POU6F2: variants seen among roughly 807,000 people sequenced by gnomAD.
POU6F2 encodes the protein POU domain, class 6, transcription factor 2.
In POU6F2, 31 loss-of-function variants were observed where a neutral mutation model predicts 71.3. The observed-to-expected ratio is 0.43, with a 90% CI of 0.33 to 0.59. POU6F2 has a LOEUF of 0.59. POU6F2 is among the 20% of genes least tolerant of loss of function. The pLI, the probability that POU6F2 is intolerant of heterozygous loss-of-function variation, is 0.04. For missense variants in POU6F2, 783 were observed against 856.8 expected (o/e 0.91, Z 1.07); for synonymous variants, 347 against 355.7 (o/e 0.98, Z 0.27).
intron 1 of POU6F2, among the ~76,000 whole-genome samples, chr7:39,056,224 A>G (rs1175720209): frequency 2.0e-5 from 3 of 152,062 alleles, no homozygotes; most frequent in Non-Finnish European, 4.4e-5. Context: ...GGCATCAGAG[A>G]GCCAGGATAG....
At chr7:39,335,749 C>T (rs955431029) in intron 4 of POU6F2, among the ~76,000 whole-genome samples, 6 of 152,184 alleles carry the variant, frequency 3.9e-5, no homozygotes, top group Non-Finnish European at 7.3e-5. Flanking sequence ...TACTTTTAAC[C>T]GAAATTTCCT....
intron 2 of POU6F2, among the ~76,000 whole-genome samples, chr7:39,172,810 G>A (rs867782365): frequency 1.3e-4 from 20 of 151,920 alleles, no homozygotes; most frequent in African/African-American, 3.9e-4. Context: ...TTGTAGAGAC[G>A]GGGTTTCTCC....
At chr7:39,015,075 G>A (rs1341114212) in intron 1 of POU6F2, among the ~76,000 whole-genome samples, 2 of 151,488 alleles carry the variant, frequency 1.3e-5, no homozygotes, top group African/African-American at 2.4e-5. Context: ...AAAAAATTAT[G>A]TCAGTAACTC....
intron 5 of POU6F2, among the ~76,000 whole-genome samples, chr7:39,354,414 GTTC>G (rs1404704060): frequency 6.6e-6 from 1 of 152,162 alleles, no homozygotes; most frequent in African/African-American, 2.4e-5. Flanking sequence ...TGCCAACATG[GTTC>G]TTCAACTAGG....
At chr7:39,340,467 T>C (rs1254319420) in intron 5 of POU6F2, among the ~76,000 whole-genome samples, 1 of 152,196 alleles carries the variant, frequency 6.6e-6, no homozygotes, top group Non-Finnish European at 1.5e-5. Flanking sequence ...CTTAAGTACT[T>C]TGTGCTCTTT....
chr7:39,015,063 T>A (rs1305694784), intron 1 of POU6F2, among the ~76,000 whole-genome samples: 1 of 151,790 alleles, frequency 6.6e-6, no homozygotes, highest in Non-Finnish European at 1.5e-5. Context: ...CTTATGGATT[T>A]AAAAAAATTA....
At chr7:39,200,149 C>A (rs1424234856) in intron 2 of POU6F2, among the ~76,000 whole-genome samples, 1 of 152,208 alleles carries the variant, frequency 6.6e-6, no homozygotes. Context: ...GCAGACCCAT[C>A]TGCCATTCAG....
chr7:39,095,342 AT>A (rs1438376299), intron 2 of POU6F2, among the ~76,000 whole-genome samples: 1 of 152,102 alleles, frequency 6.6e-6, no homozygotes, highest in African/African-American at 2.4e-5. Flanking sequence ...ACTCCTAGTA[AT>A]TTTCTAACAA....
chr7:39,329,151 T>C (rs7795921), intron 4 of POU6F2: 100,645 of 151,374 alleles, frequency 0.66, 33,676 homozygotes, highest in East Asian at 0.8. Context: ...GTGTCTTTAA[T>C]ATGGCTTGGT....
intron 2 of POU6F2, among the ~76,000 whole-genome samples, chr7:39,196,210 C>G (rs1247988338): frequency 6.6e-6 from 1 of 152,172 alleles, no homozygotes; most frequent in Admixed American, 6.5e-5. Flanking sequence ...AGATCTACAG[C>G]TGAAGAAAGG....
intron 1 of POU6F2, among the ~76,000 whole-genome samples, chr7:39,068,903 C>T (rs776542547): frequency 6.6e-6 from 1 of 152,082 alleles, no homozygotes; most frequent in Non-Finnish European, 1.5e-5. Flanking sequence ...GATTGCTGAG[C>T]CCTGCCCTGT....
chr7:39,038,775 T>C (rs1790118133), intron 1 of POU6F2, among the ~76,000 whole-genome samples: 1 of 151,972 alleles, frequency 6.6e-6, no homozygotes, highest in Admixed American at 6.6e-5. Context: ...AAATCTTGGC[T>C]AGTGTAGAAT....
intron 4 of POU6F2, among the ~76,000 whole-genome samples, chr7:39,253,791 CT>C (rs1783969298): frequency 2.0e-5 from 3 of 152,194 alleles, no homozygotes; most frequent in African/African-American, 7.2e-5. Flanking sequence ...CTCGGCTAAG[CT>C]TCTGATGAAG....
intron 2 of POU6F2, among the ~76,000 whole-genome samples, chr7:39,178,072 G>A (rs1332952362): frequency 6.6e-6 from 1 of 152,010 alleles, no homozygotes; most frequent in Non-Finnish European, 1.5e-5. Flanking sequence ...TGGCCAAGAC[G>A]GTGAACCACC....
At chr7:39,316,866 G>A (rs1314507408) in intron 4 of POU6F2, among the ~76,000 whole-genome samples, 1 of 152,126 alleles carries the variant, frequency 6.6e-6, no homozygotes, top group Non-Finnish European at 1.5e-5. Context: ...AATAATAAAA[G>A]AGAAATAAAC....
intron 2 of POU6F2, among the ~76,000 whole-genome samples, chr7:39,172,280 C>T (rs991972071): frequency 6.6e-6 from 1 of 152,018 alleles, no homozygotes; most frequent in African/African-American, 2.4e-5. Context: ...CTTAACATTC[C>T]AGCTCACTTA....
At chr7:39,199,587 G>A (rs537385641) in intron 2 of POU6F2, among the ~76,000 whole-genome samples, 2 of 152,278 alleles carry the variant, frequency 1.3e-5, no homozygotes, top group Admixed American at 6.5e-5. Flanking sequence ...GCTTGAGCTG[G>A]GTGGAGAGAA....
chr7:39,165,613 A>G (rs1410896976), intron 2 of POU6F2, among the ~76,000 whole-genome samples: 1 of 152,192 alleles, frequency 6.6e-6, no homozygotes, highest in African/African-American at 2.4e-5. Context: ...ATAAATTAAA[A>G]ATGAGATCAG....
rs10647500 is a variant in POU6F2, at chr7:39,252,401, C to CAGACAG, written c.598+44782_598+44783insGACAGA. On this transcript the variant is annotated intron_variant, in intron 4 of 9. Transcript: ENST00000518318. ...ACACACATACAGACAGACAGACAGA[C>CAGACAG]ACACACACACACACACACACACACA... Among the ~76,000 whole-genome samples, 359 of 66,200 alleles carry CAGACAG rather than the reference C, an allele frequency of 5.4e-3. 1 individual carries two copies. Among genetic ancestry groups the CAGACAG allele is most frequent in the African/African-American group, 7.2e-3 (165 of 22,970 alleles). The allele number at this position is 66,200 out of a possible 152,430, so 43.4% of individuals were successfully genotyped here. A position where few individuals can be genotyped will look rare whatever the true frequency, so the allele number is the denominator to read the frequency against.
Sources: gnomAD v4.1 joint callset for allele counts (sites outside exome capture counted in the v4.1 genomes callset) on GRCh38, gnomAD v4.1.1 for gene constraint, MANE v1.5 for transcripts, NCBI Gene and HGNC (gene_info 2026-07-23, HGNC 2026-07-21) for gene names.